The following MEI4 variants were observed in gnomAD, a reference collection of about 807,000 sequenced individuals.
MEI4 encodes the protein meiotic double-stranded break formation protein 4, also known as meiosis-specific protein MEI4.
Under a neutral mutation model 31.4 loss-of-function variants are expected in MEI4, and 27 were observed. The ratio of observed to expected loss-of-function variants is 0.86; its 90% CI spans 0.63 to 1.19. MEI4 has a LOEUF of 1.19. MEI4 is among the 50% of genes most tolerant of loss of function. The probability of loss-of-function intolerance (pLI) is 0.00; values close to 1 mark genes in which losing one functional copy is unlikely to be tolerated. For missense variants in MEI4, 329 were observed against 398.9 expected (o/e 0.82, Z 1.49); for synonymous variants, 122 against 145.4 (o/e 0.84, Z 1.16).
intron 4 of MEI4, among the ~76,000 whole-genome samples, chr6:77,920,093 C>T (rs1032603053): frequency 2.7e-5 from 4 of 149,452 alleles, no homozygotes; most frequent in Non-Finnish European, 4.5e-5. Context: ...GGTACCATTC[C>T]TTCTGAAACT....
chr6:77,915,571 C>T (rs796350907), intron 4 of MEI4, among the ~76,000 whole-genome samples: 10 of 151,996 alleles, frequency 6.6e-5, no homozygotes, highest in African/African-American at 2.4e-4. Context: ...TTGCCTTTGA[C>T]TTTTGACAGT....
intron 1 of MEI4, among the ~76,000 whole-genome samples, chr6:77,673,242 A>G (rs1333178731): frequency 6.6e-6 from 1 of 152,208 alleles, no homozygotes; most frequent in Non-Finnish European, 1.5e-5. Flanking sequence ...GCATAATAGT[A>G]TGGCTGTAAT....
intron 4 of MEI4, among the ~76,000 whole-genome samples, chr6:77,922,278 C>CA (rs1472387619): frequency 6.6e-6 from 1 of 151,394 alleles, no homozygotes; most frequent in African/African-American, 2.4e-5. Flanking sequence ...TGAATTTGAA[C>CA]AAAAATGTAC....
chr6:77,794,288 G>T lies in MEI4; in HGVS notation c.768+32623G>T, dbSNP rs527922420. ...ATTTAATAATCTAACATCAGGCCAG[G>T]CGCGGTGGCTGAAGCCTGTAATCCC... On this transcript the variant is annotated intron_variant, in intron 3 of 4. Coordinates refer to ENST00000684080, the MANE Select transcript of MEI4 (RefSeq NM_001322247.2). 1.4e-4 allele frequency among the ~76,000 whole-genome samples: 21 copies of T among 152,310 alleles called. No individual in the cohort carries two copies. In the East Asian group the frequency reaches 3.9e-3, roughly 28 times the overall value.
chr6:77,736,543 C>T (rs1355265849), intron 2 of MEI4, among the ~76,000 whole-genome samples: 3 of 152,088 alleles, frequency 2.0e-5, no homozygotes, highest in African/African-American at 7.3e-5. Context: ...CTGGCACTCC[C>T]TAATGAGATG....
intron 4 of MEI4, among the ~76,000 whole-genome samples, chr6:77,885,934 C>T (rs1157929056): frequency 6.6e-6 from 1 of 151,990 alleles, no homozygotes; most frequent in African/African-American, 2.4e-5. Context: ...TTTTTTTCCT[C>T]ATTCTGTTGA....
chr6:77,779,293 A>C (rs1024652237), intron 3 of MEI4, among the ~76,000 whole-genome samples: 1 of 152,222 alleles, frequency 6.6e-6, no homozygotes, highest in African/African-American at 2.4e-5. Flanking sequence ...GCTTTGCTGC[A>C]TGCTACTCAG....
Position 77,773,145 on chromosome 6 carries a change from C to T in MEI4, c.768+11480C>T, listed in dbSNP as rs139708446. 1.4e-3 allele frequency among the ~76,000 whole-genome samples: 212 copies of T among 152,002 alleles called. 1 individual carries two copies. Among genetic ancestry groups the T allele is most frequent in the African/African-American group, 4.5e-3 (186 of 41,498 alleles). On this transcript the variant is annotated intron_variant, in intron 3 of 4. Transcript: ENST00000684080. ...AAGCAATCTATAGAGTCATTGTAAT[C>T]GCTATCAAAATACTAATGGCATTTT...
At chr6:77,787,652 G>T (rs961326881) in intron 3 of MEI4, among the ~76,000 whole-genome samples, 1 of 152,080 alleles carries the variant, frequency 6.6e-6, no homozygotes, top group African/African-American at 2.4e-5. Flanking sequence ...AGGTGACAAA[G>T]AATTAAGCAA....
At chr6:77,899,985 A>G (rs1343528818) in intron 4 of MEI4, among the ~76,000 whole-genome samples, 1 of 151,986 alleles carries the variant, frequency 6.6e-6, no homozygotes, top group African/African-American at 2.4e-5. Flanking sequence ...GAATTTTTAA[A>G]TAAGACCTCA....
chr6:77,904,744 C>T (rs919035239), intron 4 of MEI4, among the ~76,000 whole-genome samples: 1 of 152,110 alleles, frequency 6.6e-6, no homozygotes, highest in Non-Finnish European at 1.5e-5. Context: ...CATGTCTTTG[C>T]TATTGTAAAT....
intron 2 of MEI4, among the ~76,000 whole-genome samples, chr6:77,714,487 CA>C (rs1766536286): frequency 6.6e-6 from 1 of 152,150 alleles, no homozygotes; most frequent in Non-Finnish European, 1.5e-5. Flanking sequence ...AATTTAGTTT[CA>C]AAGATCTAAT....
At chr6:77,857,917 C>G (rs748026286) in intron 4 of MEI4, among the ~76,000 whole-genome samples, 3 of 152,214 alleles carry the variant, frequency 2.0e-5, no homozygotes, top group Non-Finnish European at 4.4e-5. Context: ...ATCAGATGTA[C>G]TCTGCATCAC....
chr6:77,856,402 G>A (rs1283576778), intron 4 of MEI4, among the ~76,000 whole-genome samples: 1 of 151,922 alleles, frequency 6.6e-6, no homozygotes, highest in Non-Finnish European at 1.5e-5. Flanking sequence ...CCAGTCCTAC[G>A]TTCTCATAAA....
At chr6:77,840,545 A>G (rs1391810996) in intron 4 of MEI4, among the ~76,000 whole-genome samples, 2 of 152,126 alleles carry the variant, frequency 1.3e-5, no homozygotes, top group Admixed American at 6.6e-5. Flanking sequence ...ACCCAAACAC[A>G]TCATCATAAA....
intron 3 of MEI4, among the ~76,000 whole-genome samples, chr6:77,803,265 G>A (rs567769678): frequency 2.2e-4 from 33 of 151,956 alleles, no homozygotes; most frequent in South Asian, 4.2e-4. Context: ...TGATCAAATC[G>A]GCTACTGAGG....
chr6:77,901,906 T>C (rs1766195561), intron 4 of MEI4, among the ~76,000 whole-genome samples: 1 of 152,134 alleles, frequency 6.6e-6, no homozygotes, highest in South Asian at 2.1e-4. Flanking sequence ...GATGAGTGTC[T>C]AATTTCATTC....
chr6:77,660,016 G>A (rs1481950450), intron 1 of MEI4, among the ~76,000 whole-genome samples: 2 of 152,180 alleles, frequency 1.3e-5, no homozygotes, highest in East Asian at 1.9e-4. Flanking sequence ...GTCTGGGGAA[G>A]TCTTGCTGGA....
chr6:77,693,813 A>G (rs1326042184), intron 2 of MEI4, among the ~76,000 whole-genome samples: 1 of 152,138 alleles, frequency 6.6e-6, no homozygotes, highest in Admixed American at 6.6e-5. Context: ...TCCATACCTG[A>G]AAATCAAAAC....
Sources: allele counts gnomAD v4.1 joint callset (sites outside exome capture counted in the v4.1 genomes callset), GRCh38; gene constraint gnomAD v4.1.1; transcripts MANE v1.5; gene names NCBI Gene and HGNC (gene_info 2026-07-23, HGNC 2026-07-21).